Variants in TLL1 observed in about 807,000 individuals in gnomAD.
The protein encoded by TLL1 is tolloid like 1.
TLL1 carries 49 observed loss-of-function variants against 128.2 expected under a neutral mutation model. The ratio of observed to expected loss-of-function variants is 0.38; its 90% CI spans 0.30 to 0.48. The LOEUF (loss-of-function observed/expected upper bound fraction) is 0.48. Ranked by LOEUF, TLL1 falls within the 20% of genes least tolerant of loss-of-function variation. The pLI, the probability that TLL1 is intolerant of heterozygous loss-of-function variation, is 0.96. For missense variants in TLL1, 1,123 were observed against 1,242.0 expected (o/e 0.90, Z 1.44); for synonymous variants, 454 against 418.8 (o/e 1.08, Z -1.03).
At chr4:165,882,084 T>C (rs747288202) in intron 1 of TLL1, among the ~76,000 whole-genome samples, 10 of 152,218 alleles carry the variant, frequency 6.6e-5, no homozygotes, top group African/African-American at 9.6e-5. Context: ...ACAAATATGC[T>C]GTGTGAAGTT....
At chr4:166,093,458 T>A (rs1741873208) in intron 19 of TLL1, among the ~76,000 whole-genome samples, 1 of 152,212 alleles carries the variant, frequency 6.6e-6, no homozygotes. Flanking sequence ...GCAGCATTGC[T>A]GCCAACATGT....
intron 5 of TLL1, among the ~76,000 whole-genome samples, chr4:166,001,068 T>G (rs182416415): frequency 1.7e-3 from 264 of 152,244 alleles, no homozygotes; most frequent in African/African-American, 5.9e-3. Flanking sequence ...TTTATATTTG[T>G]GGAAAATCAA....
intron 8 of TLL1, among the ~76,000 whole-genome samples, chr4:166,023,455 C>T (rs904121866): frequency 1.3e-5 from 2 of 152,138 alleles, no homozygotes; most frequent in Non-Finnish European, 2.9e-5. Context: ...TGTCAATGAA[C>T]AGTCTAAGTA....
chr4:165,983,773 A>G (rs2111000709), intron 1 of TLL1, among the ~76,000 whole-genome samples: 1 of 151,886 alleles, frequency 6.6e-6, no homozygotes, highest in Non-Finnish European at 1.5e-5. Context: ...CAATTATCCA[A>G]AGTCTAGCTT....
chr4:165,923,295 A>G (rs1354043497), intron 1 of TLL1, among the ~76,000 whole-genome samples: 1 of 152,058 alleles, frequency 6.6e-6, no homozygotes, highest in Non-Finnish European at 1.5e-5. Context: ...TGTAAGTAAG[A>G]GATTATCAAC....
chr4:166,010,211 C>G (rs913934593), intron 7 of TLL1, among the ~76,000 whole-genome samples: 8 of 151,354 alleles, frequency 5.3e-5, no homozygotes, highest in African/African-American at 1.9e-4. Flanking sequence ...TTTTGTTTAT[C>G]TTGTCATCCA....
chr4:166,074,016 A>G (rs1740908034), intron 16 of TLL1, among the ~76,000 whole-genome samples: 1 of 152,108 alleles, frequency 6.6e-6, no homozygotes, highest in East Asian at 1.9e-4. Flanking sequence ...GTTAATGGAC[A>G]GGCCAGCTAT....
chr4:166,002,786 C>A (rs1737231854), intron 5 of TLL1, among the ~76,000 whole-genome samples: 1 of 152,088 alleles, frequency 6.6e-6, no homozygotes, highest in Non-Finnish European at 1.5e-5. Context: ...TGAAACGTTT[C>A]TTTTATTAAC....
At chr4:166,060,748 A>G (rs1740272713) in intron 15 of TLL1, among the ~76,000 whole-genome samples, 1 of 152,234 alleles carries the variant, frequency 6.6e-6, no homozygotes, top group Non-Finnish European at 1.5e-5. Context: ...TCAGGTGACT[A>G]CATTTAAACA....
chr4:166,053,550 C>G (rs543301681), intron 12 of TLL1, among the ~76,000 whole-genome samples: 2 of 152,066 alleles, frequency 1.3e-5, no homozygotes, highest in Non-Finnish European at 2.9e-5. Flanking sequence ...GTACCTAGTT[C>G]TAACTAAATC....
intron 1 of TLL1, among the ~76,000 whole-genome samples, chr4:165,881,082 T>C (rs562615855): frequency 1.3e-5 from 2 of 152,354 alleles, no homozygotes; most frequent in African/African-American, 4.8e-5. Context: ...TTGAGGCTTA[T>C]GGTATTTTGT....
chr4:165,960,482 A>G (rs187726899), intron 1 of TLL1, among the ~76,000 whole-genome samples: 56 of 152,248 alleles, frequency 3.7e-4, no homozygotes, highest in Non-Finnish European at 7.6e-4. Flanking sequence ...CATTATCCTG[A>G]TACCAAAATC....
intron 3 of TLL1, among the ~76,000 whole-genome samples, chr4:165,993,543 G>A (rs1249686817): frequency 6.6e-6 from 1 of 152,004 alleles, no homozygotes; most frequent in Admixed American, 6.6e-5. Context: ...CCAAGCAAAA[G>A]TGCTTTGCTC....
At chr4:166,020,499 T>C (rs1738169548) in intron 8 of TLL1, among the ~76,000 whole-genome samples, 1 of 152,182 alleles carries the variant, frequency 6.6e-6, no homozygotes, top group Admixed American at 6.5e-5. Context: ...TCTCTCGTCT[T>C]AAATGATTGA....
intron 7 of TLL1, among the ~76,000 whole-genome samples, chr4:166,013,552 T>C (rs1737799622): frequency 6.6e-6 from 1 of 151,812 alleles, no homozygotes; most frequent in Admixed American, 6.6e-5. Context: ...TTTTTTGTTG[T>C]TGTTTGTTTT....
In TLL1 at chr4:166,042,124, C is replaced by T; in HGVS notation, c.1359C>T (p.Gly453=). The T allele has an allele frequency of 6.2e-7, 1 of 1,610,516 alleles. No individual in the cohort carries two copies. Among genetic ancestry groups the T allele is most frequent in the Non-Finnish European group, 8.5e-7 (1 of 1,177,096 alleles). Residue 453 remains glycine (G), a synonymous_variant, in exon 11 of 21, where the codon GGC becomes GGT. Transcript: ENST00000061240. ...GCAGCAGTAATTGGGTAGGAAAAGG[C>T]TTTGCAGCTGTCTATGAAGGTAAGT... is the stretch of plus-strand genomic sequence containing the variant. The part of the protein sequence containing the change: ...FRSSSNWVGK[G]FAAVYEAICG...
At chr4:165,943,263 A>G (rs1734101486) in intron 1 of TLL1, among the ~76,000 whole-genome samples, 1 of 152,050 alleles carries the variant, frequency 6.6e-6, no homozygotes, top group Admixed American at 6.6e-5. Context: ...TTTCATGCAA[A>G]AAAGCAAAAT....
Position 166,003,418 on chromosome 4 carries a change from A to G in TLL1, c.660A>G (p.Gly220=). The G allele has an allele frequency of 6.2e-7, 1 of 1,613,998 alleles. No homozygotes were observed. The highest frequency in any genetic ancestry group is 8.5e-7 in the Non-Finnish European group (1 of 1,179,936). The change falls in exon 6 of 21, where the codon GGA becomes GGG. Residue 220 remains glycine, a synonymous_variant. Coordinates refer to ENST00000061240, the MANE Select transcript of TLL1 (RefSeq NM_012464.5). Reference sequence around the variant, plus strand: ...GCTGCTCCTATGTAGGTCGGCGAGGAAATGGACCTCAGGCAATCTCTATCG... The same window carrying G: ...GCTGCTCCTATGTAGGTCGGCGAGGGAATGGACCTCAGGCAATCTCTATCG... ...CGCCSYVGRR[G]NGPQAISIGK...
At chr4:166,072,322 C>G (rs1462051239) in intron 16 of TLL1, among the ~76,000 whole-genome samples, 1 of 151,746 alleles carries the variant, frequency 6.6e-6, no homozygotes, top group African/African-American at 2.4e-5. Flanking sequence ...AGAATAATGA[C>G]TATATAAATA....
Sources: allele counts gnomAD v4.1 joint callset (sites outside exome capture counted in the v4.1 genomes callset), GRCh38; gene constraint gnomAD v4.1.1; transcripts MANE v1.5; gene names NCBI Gene and HGNC (gene_info 2026-07-23, HGNC 2026-07-21).